DLGAP2: variants seen among roughly 807,000 people sequenced by gnomAD.
The protein encoded by DLGAP2 is DLG associated protein 2.
In DLGAP2, 26 loss-of-function variants were observed where a neutral mutation model predicts 100.3. The ratio of observed to expected loss-of-function variants is 0.26; its 90% CI spans 0.19 to 0.36. DLGAP2 has a LOEUF of 0.36. Among genes scored for constraint, DLGAP2 ranks in the 10% least tolerant of loss-of-function variants. DLGAP2 has a pLI of 1.00. For synonymous variants in DLGAP2, 886 were observed against 630.1 expected (o/e 1.41, Z -6.08); for missense variants, 1,858 against 1,453.2 (o/e 1.28, Z -4.53).
chr8:1,332,370 T>C (rs1801177673), intron 3 of DLGAP2, among the ~76,000 whole-genome samples: 2 of 152,114 alleles, frequency 1.3e-5, no homozygotes, highest in African/African-American at 2.4e-5. Flanking sequence ...TGTGTACACA[T>C]ATCTGCACAT....
At chr8:1,126,917 C>T (rs1022948480) in intron 2 of DLGAP2, among the ~76,000 whole-genome samples, 2 of 151,752 alleles carry the variant, frequency 1.3e-5, no homozygotes, top group African/African-American at 4.8e-5. Context: ...GAGGCAGGGC[C>T]CTCGCTTGTG....
At chr8:1,352,779 AGCCTTGGAT>A (rs1365417987) in intron 3 of DLGAP2, among the ~76,000 whole-genome samples, 1 of 151,972 alleles carries the variant, frequency 6.6e-6, no homozygotes, top group Non-Finnish European at 1.5e-5. Context: ...GTACTTTTCC[AGCCTTGGAT>A]GCCACTCCCC....
At chr8:1,287,943 T>TGG (rs1799977895) in intron 3 of DLGAP2, among the ~76,000 whole-genome samples, 1 of 126,240 alleles carries the variant, frequency 7.9e-6, no homozygotes. Flanking sequence ...GTTCAGCGTG[T>TGG]GTGTGTGTGT....
intron 2 of DLGAP2, among the ~76,000 whole-genome samples, chr8:1,127,377 G>A (rs1358414153): frequency 6.6e-6 from 1 of 152,006 alleles, no homozygotes; most frequent in Non-Finnish European, 1.5e-5. Context: ...AGGTCTGGTG[G>A]CCCTGCATAT....
intron 3 of DLGAP2, among the ~76,000 whole-genome samples, chr8:1,382,225 G>T (rs1796113669): frequency 6.6e-6 from 1 of 152,198 alleles, no homozygotes; most frequent in African/African-American, 2.4e-5. Flanking sequence ...AAAATGTTAT[G>T]AAAATCATAA....
intron 7 of DLGAP2, among the ~76,000 whole-genome samples, 172 bp from the exon 8 acceptor site, chr8:1,632,655 C>G (rs868249344): frequency 1.3e-5 from 2 of 152,162 alleles, no homozygotes; most frequent in African/African-American, 4.8e-5. Context: ...AGGGAAAACC[C>G]AATGCTGTAT....
Position 1,392,883 on chromosome 8 carries a change from G to T in DLGAP2, c.107-108483G>T, listed in dbSNP as rs200191539. On this transcript the variant is annotated intron_variant, in intron 3 of 14. Transcript: ENST00000637795. Reference sequence around the variant, plus strand: ...GGCGTGTGTCTTTGTTAAATGTGACGTTTCTGTTTTTTTTTTGAGACGGAG... The same window carrying T: ...GGCGTGTGTCTTTGTTAAATGTGACTTTTCTGTTTTTTTTTTGAGACGGAG... Among the ~76,000 whole-genome samples the T allele has an allele frequency of 2.9e-3, 400 of 139,812 alleles. 8 individuals are homozygous for T. The East Asian group carries it at 0.047, about 16-fold the overall frequency. 91.7% of individuals were successfully genotyped at this position (139,812 alleles called of 152,430 possible).
At chr8:997,286 A>G (rs1296108681) in intron 2 of DLGAP2, among the ~76,000 whole-genome samples, 1 of 152,254 alleles carries the variant, frequency 6.6e-6, no homozygotes, top group East Asian at 1.9e-4. Context: ...AAATTAATTC[A>G]TGAAAATTAC....
At chr8:913,165 A>C (rs1798522450) in intron 2 of DLGAP2, among the ~76,000 whole-genome samples, 1 of 152,130 alleles carries the variant, frequency 6.6e-6, no homozygotes, top group South Asian at 2.1e-4. Context: ...AGGTTGGCAG[A>C]CCTAATTATA....
intron 3 of DLGAP2, among the ~76,000 whole-genome samples, chr8:1,486,586 C>T (rs1340623426): frequency 2.0e-5 from 3 of 151,992 alleles, no homozygotes; most frequent in Non-Finnish European, 2.9e-5. Context: ...TCAGCATCAG[C>T]GGAGATGCGG....
intron 8 of DLGAP2, among the ~76,000 whole-genome samples, chr8:1,646,252 C>T (rs1335761494): frequency 3.3e-5 from 5 of 152,134 alleles, no homozygotes; most frequent in Admixed American, 1.3e-4. Context: ...CTTTGAACTG[C>T]GACTTGCACC....
chr8:1,107,246 C>T (rs890863143), intron 2 of DLGAP2, among the ~76,000 whole-genome samples: 1 of 152,124 alleles, frequency 6.6e-6, no homozygotes, highest in African/African-American at 2.4e-5. Flanking sequence ...AAAATGGAGA[C>T]AATAGCTCAC....
intron 2 of DLGAP2, among the ~76,000 whole-genome samples, chr8:1,064,231 C>CT (rs754367962): frequency 2.0e-5 from 3 of 152,250 alleles, no homozygotes; most frequent in South Asian, 4.2e-4. Context: ...ATGAATATTG[C>CT]TTTTTTAAGC....
chr8:1,501,236 G>T, intron 3 of DLGAP2, 130 bp from the exon 4 acceptor site: 3 of 979,022 alleles, frequency 3.1e-6, no homozygotes, highest in East Asian at 2.6e-5. Context: ...GAGCGGTGAC[G>T]TTTGAAGAAA....
intron 1 of DLGAP2, among the ~76,000 whole-genome samples, chr8:872,532 A>G (rs1047844538): frequency 6.6e-5 from 10 of 151,948 alleles, no homozygotes; most frequent in African/African-American, 2.2e-4. Context: ...GGGTTTCTCC[A>G]TGTTGGCCAG....
At chr8:1,126,341 C>T (rs879606512) in intron 2 of DLGAP2, among the ~76,000 whole-genome samples, 4 of 151,594 alleles carry the variant, frequency 2.6e-5, no homozygotes, top group East Asian at 1.9e-4. Flanking sequence ...AGAAGAGACA[C>T]AGGCAGATGA....
intron 8 of DLGAP2, among the ~76,000 whole-genome samples, chr8:1,653,139 C>A (rs1488401210): frequency 6.6e-6 from 1 of 152,232 alleles, no homozygotes; most frequent in Admixed American, 6.5e-5. Context: ...CCTGGAGATA[C>A]TGTGGCATCG....
chr8:822,125 T>A, intron 1 of DLGAP2: 1 of 399,658 alleles, frequency 2.5e-6, no homozygotes. Context: ...GCCCTAGCCC[T>A]GCGCGGCTTC....
chr8:1,009,598 A>T (rs1280436523), intron 2 of DLGAP2, among the ~76,000 whole-genome samples: 4 of 152,160 alleles, frequency 2.6e-5, no homozygotes, highest in Admixed American at 2.6e-4. Context: ...GGAGTCAGTG[A>T]TTATGTCTTG....
Sources: gnomAD v4.1 joint callset for allele counts (sites outside exome capture counted in the v4.1 genomes callset) on GRCh38, gnomAD v4.1.1 for gene constraint, MANE v1.5 for transcripts, NCBI Gene and HGNC (gene_info 2026-07-23, HGNC 2026-07-21) for gene names.